The following CMIP variants were observed in gnomAD, a reference collection of about 807,000 sequenced individuals.
The protein encoded by CMIP is C-Maf-inducing protein.
In CMIP, 13 loss-of-function variants were observed where a neutral mutation model predicts 97.3. The ratio of observed to expected loss-of-function variants is 0.13; its 90% CI spans 0.09 to 0.21. The LOEUF is 0.21. Ranked by LOEUF, CMIP falls within the 10% of genes least tolerant of loss-of-function variation. CMIP has a pLI of 1.00. For synonymous variants in CMIP, 538 were observed against 436.3 expected, an observed-to-expected ratio of 1.23 and a Z score of -2.91; for missense variants, 847 against 1,024.9, an observed-to-expected ratio of 0.83 and a Z score of 2.37.
chr16:81,584,939 G>A (rs544050398), intron 1 of CMIP, among the ~76,000 whole-genome samples: 31 of 152,330 alleles, frequency 2.0e-4, no homozygotes, highest in African/African-American at 7.2e-4. Context: ...CTTTGAAATG[G>A]CCATTTTAAT....
chr16:81,499,895 T>C (rs2089564457), intron 1 of CMIP, among the ~76,000 whole-genome samples: 1 of 152,256 alleles, frequency 6.6e-6, no homozygotes, highest in Admixed American at 6.5e-5. Flanking sequence ...ATTTTGGCCC[T>C]ATGGGAGGCA....
chr16:81,517,479 A>G (rs563077582), intron 1 of CMIP, among the ~76,000 whole-genome samples: 1 of 152,366 alleles, frequency 6.6e-6, no homozygotes, highest in South Asian at 2.1e-4. Flanking sequence ...TTTAATATGT[A>G]TATGATTGCA....
intron 1 of CMIP, among the ~76,000 whole-genome samples, chr16:81,607,275 G>C (rs552992149): frequency 6.6e-6 from 1 of 152,308 alleles, no homozygotes; most frequent in East Asian, 1.9e-4. Flanking sequence ...CTGGCCCCGC[G>C]GATACCAAGA....
chr16:81,513,677 C>T (rs1343559074), intron 1 of CMIP, among the ~76,000 whole-genome samples: 1 of 152,228 alleles, frequency 6.6e-6, no homozygotes, highest in Non-Finnish European at 1.5e-5. Flanking sequence ...GGGCAAGGGT[C>T]AGATGGGTCA....
At chr16:81,448,256 G>A (rs1703649140) in intron 1 of CMIP, among the ~76,000 whole-genome samples, 2 of 152,356 alleles carry the variant, frequency 1.3e-5, no homozygotes, top group Admixed American at 1.3e-4. Context: ...AATTGTATGG[G>A]CTTCAGGAAC....
intron 1 of CMIP, among the ~76,000 whole-genome samples, chr16:81,575,010 A>T (rs928662603): frequency 6.6e-6 from 1 of 152,084 alleles, no homozygotes; most frequent in Non-Finnish European, 1.5e-5. Flanking sequence ...ATGGATACTC[A>T]TTGCTCCCAT....
intron 18 of CMIP, 77 bp from the exon 19 acceptor site, chr16:81,705,422 C>G: frequency 1.9e-6 from 2 of 1,080,320 alleles, no homozygotes; most frequent in Non-Finnish European, 2.7e-6. Flanking sequence ...CATCCCTTTC[C>G]TCCACCTCTG....
At chr16:81,696,316 C>T in intron 13 of CMIP, 1 of 578,198 alleles carries the variant, frequency 1.7e-6, no homozygotes. Flanking sequence ...GGGGCCTGCC[C>T]TCCCTCCTGT....
chr16:81,603,916 C>G (rs1007414581), intron 1 of CMIP, among the ~76,000 whole-genome samples: 8 of 152,182 alleles, frequency 5.3e-5, no homozygotes, highest in African/African-American at 1.9e-4. Context: ...GTAATGCTCC[C>G]AGGAATTCTA....
At chr16:81,481,971 C>T (rs1027655384) in intron 1 of CMIP, among the ~76,000 whole-genome samples, 11 of 151,806 alleles carry the variant, frequency 7.2e-5, no homozygotes, top group Admixed American at 3.3e-4. Flanking sequence ...CTCTGCCTCC[C>T]GGGTTCAGGT....
chr16:81,691,084 C>G (rs967017089), intron 10 of CMIP, among the ~76,000 whole-genome samples: 15 of 152,182 alleles, frequency 9.9e-5, no homozygotes, highest in Admixed American at 9.8e-4. Context: ...GAGAATGGCC[C>G]CAGGGTCCCA....
chr16:81,520,081 G>A (rs74401822), intron 1 of CMIP: 3 of 152,354 alleles, frequency 2.0e-5, no homozygotes, highest in South Asian at 2.1e-4. Flanking sequence ...GGTCATTTCA[G>A]TTTCAAGGCC....
At chr16:81,699,621 C>A (rs1907161314) in intron 14 of CMIP, 64 bp from the exon 15 acceptor site, 1 of 1,090,002 alleles carries the variant, frequency 9.2e-7, no homozygotes, top group Non-Finnish European at 1.4e-6. Context: ...TCACTTCCTG[C>A]CAGCACGCTG....
chr16:81,596,401 G>T (rs2091557035), intron 1 of CMIP, among the ~76,000 whole-genome samples: 1 of 151,456 alleles, frequency 6.6e-6, no homozygotes, highest in South Asian at 2.1e-4. Flanking sequence ...TGCTACTCGG[G>T]AGGCTGAGGG....
At chr16:81,708,293 C>T (rs1165709105) in intron 20 of CMIP, among the ~76,000 whole-genome samples, 1 of 152,250 alleles carries the variant, frequency 6.6e-6, no homozygotes, top group Non-Finnish European at 1.5e-5. Flanking sequence ...TGCAGACCAG[C>T]ACCCTCGGCA....
intron 1 of CMIP, among the ~76,000 whole-genome samples, chr16:81,586,929 G>A (rs151189449): frequency 8.5e-5 from 13 of 152,336 alleles, no homozygotes; most frequent in Admixed American, 3.9e-4. Context: ...AGGAGAGCTC[G>A]CTGGATTCAA....
chr16:81,531,039 G>C (rs28575068), intron 1 of CMIP, among the ~76,000 whole-genome samples: 4 of 152,266 alleles, frequency 2.6e-5, no homozygotes, highest in Non-Finnish European at 4.4e-5. Flanking sequence ...GCACGTTTAC[G>C]CTGTAGTCTC....
chr16:81,544,721 GTA>G (rs905363041), intron 1 of CMIP, among the ~76,000 whole-genome samples: 2 of 151,828 alleles, frequency 1.3e-5, no homozygotes, highest in African/African-American at 4.8e-5. Context: ...AATGTTGTGT[GTA>G]TATGTGCATG....
At chr16:81,706,959 C>T in intron 19 of CMIP, 55 bp from the exon 20 acceptor site, 1 of 1,522,260 alleles carries the variant, frequency 6.6e-7, no homozygotes. Flanking sequence ...CCATCCCATA[C>T]CTTCATACCT....
Sources: gnomAD v4.1 joint callset for allele counts (sites outside exome capture counted in the v4.1 genomes callset) on GRCh38, gnomAD v4.1.1 for gene constraint, MANE v1.5 for transcripts, NCBI Gene and HGNC (gene_info 2026-07-23, HGNC 2026-07-21) for gene names.